Variants in ZNF160 observed in about 807,000 individuals in gnomAD.
ZNF160 encodes KRAB zinc finger protein KR18.
In ZNF160, 9 loss-of-function variants were observed where a neutral mutation model predicts 13.1. That is an observed-to-expected ratio of 0.69 (90% CI 0.41 to 1.20). The LOEUF (loss-of-function observed/expected upper bound fraction) is 1.20. Ranked by LOEUF, ZNF160 falls within the 50% of genes most tolerant of loss-of-function variation. ZNF160 has a pLI of 0.01. For missense variants in ZNF160, 838 were observed against 988.0 expected, an observed-to-expected ratio of 0.85 and a Z score of 2.04; for synonymous variants, 293 against 333.2, an observed-to-expected ratio of 0.88 and a Z score of 1.31.
At position 53,090,606 on chromosome 19, in the gene ZNF160, A is replaced by C. The variant is rs1045056442; in HGVS notation, c.-46+807T>G. On this transcript the variant is annotated intron_variant, in intron 2 of 5. Transcript: ENST00000683776. ...AAAAGAACATTGGAGGTGAACAGACAGGCCCAAGTCACCTCCTTCAACGCT... is the reference window on the plus strand; with the variant it reads ...AAAAGAACATTGGAGGTGAACAGACCGGCCCAAGTCACCTCCTTCAACGCT... Among the ~76,000 whole-genome samples, 8 of 152,230 alleles carry C rather than the reference A, an allele frequency of 5.3e-5. 1 individual carries two copies. The highest frequency in any genetic ancestry group is 1.2e-4 in the Non-Finnish European group (8 of 68,044).
In ZNF160 at chr19:53,069,503, T is replaced by G; in HGVS notation, c.1031A>C (p.Asn344Thr). Residue 344 changes from asparagine to threonine, a missense_variant, in exon 6 of 6, where the codon AAT becomes ACT. Physicochemically the swap from Asn to Thr is moderately conservative, Grantham distance 65 (BLOSUM62 0). Transcript: ENST00000683776. This position sits in a 1 kb window ranked among gnomAD's most constrained non-coding sequence, Gnocchi z 4.4. Reference protein sequence around the residue: ...IHTGEKPYKCNECGKAFRGHS... With the variant: ...IHTGEKPYKCTECGKAFRGHS... ...TCCTCTAAAGGCTTTTCCACACTCA[T>G]TACACTTGTAAGGTTTCTCTCCAGT... 6.2e-7 allele frequency: 1 copy of G among 1,614,152 alleles called. No individual in the cohort carries two copies. Among genetic ancestry groups the G allele is most frequent in the Non-Finnish European group, 8.5e-7 (1 of 1,180,026 alleles).
intron 2 of ZNF160, among the ~76,000 whole-genome samples, chr19:53,088,784 A>G (rs6509722): frequency 0.031 from 4,719 of 152,216 alleles, 229 homozygotes; most frequent in African/African-American, 0.11. Flanking sequence ...TTGTCCCCAC[A>G]ATGACAGCTT....
At chr19:53,085,805 T>C (rs2084808863) in intron 3 of ZNF160, 1 of 467,444 alleles carries the variant, frequency 2.1e-6, no homozygotes, top group Non-Finnish European at 3.8e-6. Flanking sequence ...ATCCAATGAC[T>C]CACTTGTTCG....
chr19:53,075,320 A>T (rs2084345783), intron 3 of ZNF160, 137 bp from the exon 4 acceptor site: 2 of 1,162,598 alleles, frequency 1.7e-6, no homozygotes, highest in African/African-American at 3.1e-5. Flanking sequence ...TGACAATGTG[A>T]CATACAGATT....
At chr19:53,099,305 G>C (rs542130209) in intron 1 of ZNF160, among the ~76,000 whole-genome samples, 2 of 152,160 alleles carry the variant, frequency 1.3e-5, no homozygotes, top group African/African-American at 4.8e-5. Flanking sequence ...TAGGGTAAGA[G>C]GAGGGACAAA....
chr19:53,088,915 T>C (rs965151483), intron 2 of ZNF160, among the ~76,000 whole-genome samples: 2 of 152,220 alleles, frequency 1.3e-5, no homozygotes, highest in Admixed American at 6.5e-5. Flanking sequence ...TCACTTCATA[T>C]GCTGTACGCT....
intron 1 of ZNF160, among the ~76,000 whole-genome samples, chr19:53,099,053 A>C (rs982347524): frequency 1.4e-5 from 2 of 142,838 alleles, no homozygotes; most frequent in South Asian, 4.3e-4. Context: ...CATCTGAACC[A>C]CAACCCCAGA....
intron 3 of ZNF160, among the ~76,000 whole-genome samples, chr19:53,078,113 A>G (rs2084477758): frequency 6.6e-6 from 1 of 152,002 alleles, no homozygotes; most frequent in African/African-American, 2.4e-5. Context: ...GGTGGTGGGC[A>G]CCTGTAATCC....
intron 3 of ZNF160, chr19:53,077,008 A>G (rs1438012520): frequency 6.6e-6 from 1 of 152,202 alleles, no homozygotes; most frequent in African/African-American, 2.4e-5. Flanking sequence ...TCTTGCCTGA[A>G]TATAAACACT....
At chr19:53,071,234 G>A (rs2084163340) in intron 5 of ZNF160, among the ~76,000 whole-genome samples, 1 of 151,838 alleles carries the variant, frequency 6.6e-6, no homozygotes, top group South Asian at 2.1e-4. Flanking sequence ...ATGCTGGCAT[G>A]TGCCTGCAAT....
chr19:53,084,542 A>G (rs909333255), intron 3 of ZNF160, among the ~76,000 whole-genome samples: 1 of 152,214 alleles, frequency 6.6e-6, no homozygotes, highest in Non-Finnish European at 1.5e-5. Context: ...AAATGTAGTA[A>G]AAGTTAAAAA....
At chr19:53,089,275 AT>A (rs1270063761) in intron 2 of ZNF160, among the ~76,000 whole-genome samples, 1 of 152,238 alleles carries the variant, frequency 6.6e-6, no homozygotes, top group Non-Finnish European at 1.5e-5. Flanking sequence ...GAGTTGAAGT[AT>A]AAGTTCACCC....
chr19:53,085,972 A>G (rs1013360547), intron 3 of ZNF160: 7 of 1,264,224 alleles, frequency 5.5e-6, no homozygotes, highest in Admixed American at 2.0e-5. Flanking sequence ...CCCCTGAGCA[A>G]TCCCTGCTGC....
At chr19:53,088,305 C>T (rs1292295630) in intron 2 of ZNF160, among the ~76,000 whole-genome samples, 1 of 151,990 alleles carries the variant, frequency 6.6e-6, no homozygotes, top group East Asian at 1.9e-4. Flanking sequence ...TCACTGATGA[C>T]TGAAAAAGGA....
intron 3 of ZNF160, chr19:53,085,789 T>G: frequency 4.5e-6 from 2 of 442,174 alleles, no homozygotes; most frequent in Non-Finnish European, 4.0e-6. Flanking sequence ...GAGTTTGGAG[T>G]CGGAAATCCA....
chr19:53,100,737 G>A (rs573653886), intron 1 of ZNF160, among the ~76,000 whole-genome samples: 1 of 152,290 alleles, frequency 6.6e-6, no homozygotes, highest in African/African-American at 2.4e-5. Context: ...GCTCACGCCT[G>A]TAATCCCAGC....
chr19:53,086,868 G>A (rs978257943), intron 2 of ZNF160, among the ~76,000 whole-genome samples: 7 of 152,202 alleles, frequency 4.6e-5, no homozygotes, highest in Admixed American at 3.9e-4. Flanking sequence ...GCTCCACTGA[G>A]GGGGTGAGCC....
chr19:53,089,198 GC>G (rs2084949124), intron 2 of ZNF160, among the ~76,000 whole-genome samples: 1 of 152,160 alleles, frequency 6.6e-6, no homozygotes, highest in South Asian at 2.1e-4. Context: ...AGTGGGGGTA[GC>G]CCTGTGGAAC....
chr19:53,084,055 G>C (rs572130302), intron 3 of ZNF160, among the ~76,000 whole-genome samples: 1 of 151,932 alleles, frequency 6.6e-6, no homozygotes, highest in Non-Finnish European at 1.5e-5. Flanking sequence ...TATGTGCTTC[G>C]AGCTCCAGAG....
Sources: allele counts gnomAD v4.1 joint callset (sites outside exome capture counted in the v4.1 genomes callset), GRCh38; gene constraint gnomAD v4.1.1; non-coding constraint Gnocchi (gnomAD v3.1); transcripts MANE v1.5; gene names NCBI Gene and HGNC (gene_info 2026-07-23, HGNC 2026-07-21).